The following SNTG1 variants were observed in gnomAD, a reference collection of about 807,000 sequenced individuals.
SNTG1 encodes gamma-1-syntrophin.
In SNTG1, 39 loss-of-function variants were observed where a neutral mutation model predicts 74.7. That is an observed-to-expected ratio of 0.52 (90% CI 0.40 to 0.68). The LOEUF is 0.68. Ranked by LOEUF, SNTG1 falls within the 30% of genes least tolerant of loss-of-function variation. The probability of loss-of-function intolerance (pLI) is 0.00; values close to 1 mark genes in which losing one functional copy is unlikely to be tolerated. For synonymous variants in SNTG1, 254 were observed against 217.1 expected (o/e 1.17, Z -1.49); for missense variants, 685 against 609.5 (o/e 1.12, Z -1.30).
chr8:50,009,175 G>A (rs1305161453), intron 1 of SNTG1, among the ~76,000 whole-genome samples: 1 of 152,014 alleles, frequency 6.6e-6, no homozygotes, highest in South Asian at 2.1e-4. Context: ...ATTCTATATG[G>A]CCTGCATGCT....
At chr8:50,424,764 G>A (rs116619858) in intron 4 of SNTG1, among the ~76,000 whole-genome samples, 1 of 152,040 alleles carries the variant, frequency 6.6e-6, no homozygotes, top group African/African-American at 2.4e-5. Context: ...TTAAATTTGG[G>A]AATCAATTTC....
intron 17 of SNTG1, among the ~76,000 whole-genome samples, chr8:50,709,775 C>G (rs1008681088): frequency 1.3e-5 from 2 of 152,172 alleles, no homozygotes; most frequent in African/African-American, 2.4e-5. Context: ...ATCCTCTTCC[C>G]TCTCATTGAG....
chr8:50,714,689 T>C (rs1030752851), intron 17 of SNTG1, among the ~76,000 whole-genome samples: 1 of 151,866 alleles, frequency 6.6e-6, no homozygotes, highest in Admixed American at 6.6e-5. Flanking sequence ...CAAAGAGACA[T>C]CAGTACAATT....
At chr8:50,366,821 T>G (rs1587336930) in intron 2 of SNTG1, among the ~76,000 whole-genome samples, 1 of 145,050 alleles carries the variant, frequency 6.9e-6, no homozygotes, top group Non-Finnish European at 1.5e-5. Context: ...TTATATATAA[T>G]ATATATACCA....
intron 2 of SNTG1, among the ~76,000 whole-genome samples, chr8:50,269,143 A>G (rs992127021): frequency 1.3e-5 from 2 of 152,212 alleles, no homozygotes; most frequent in Non-Finnish European, 2.9e-5. Context: ...TTCAACTTAA[A>G]GAAAATATCT....
chr8:50,114,823 C>T (rs2080748531), intron 1 of SNTG1, among the ~76,000 whole-genome samples: 1 of 152,066 alleles, frequency 6.6e-6, no homozygotes, highest in Admixed American at 6.5e-5. Context: ...CGAGATCGTG[C>T]CAATGCACTA....
chr8:50,298,817 G>T (rs951234069), intron 2 of SNTG1, among the ~76,000 whole-genome samples: 1 of 152,046 alleles, frequency 6.6e-6, no homozygotes, highest in Non-Finnish European at 1.5e-5. Flanking sequence ...TTCAGGCTAG[G>T]GTTTCTAGCA....
chr8:50,607,831 A>G (rs1004286730), intron 13 of SNTG1, among the ~76,000 whole-genome samples: 2 of 151,462 alleles, frequency 1.3e-5, no homozygotes, highest in African/African-American at 2.4e-5. Context: ...TCAGCCTAAC[A>G]TATGTTTTAA....
chr8:50,037,035 T>C (rs888050453), intron 1 of SNTG1, among the ~76,000 whole-genome samples: 2 of 152,218 alleles, frequency 1.3e-5, no homozygotes, highest in African/African-American at 2.4e-5. Context: ...ACACCATAGA[T>C]ACATAACTTT....
chr8:50,678,600 TTTTTG>T (rs1412250363), intron 15 of SNTG1, among the ~76,000 whole-genome samples: 1 of 148,718 alleles, frequency 6.7e-6, no homozygotes, highest in East Asian at 1.9e-4. Flanking sequence ...TTTTTATTTG[TTTTTG>T]CCCTTCCAGC....
intron 2 of SNTG1, among the ~76,000 whole-genome samples, chr8:50,366,806 ATATAT>A (rs1413503391): frequency 1.4e-5 from 2 of 144,494 alleles, no homozygotes; most frequent in South Asian, 2.1e-4. Flanking sequence ...CTATAATAAA[ATATAT>A]TATATATAAT....
intron 17 of SNTG1, among the ~76,000 whole-genome samples, chr8:50,727,772 T>G (rs577591738): frequency 6.6e-6 from 1 of 152,324 alleles, no homozygotes; most frequent in South Asian, 2.1e-4. Flanking sequence ...TCCCAAGAGC[T>G]GATCCTGTGG....
At chr8:49,994,914 A>G (rs1305488857) in intron 1 of SNTG1, among the ~76,000 whole-genome samples, 1 of 152,202 alleles carries the variant, frequency 6.6e-6, no homozygotes, top group African/African-American at 2.4e-5. Flanking sequence ...TATTATTTCA[A>G]TGCCCTCATG....
At chr8:49,971,786 T>A (rs936632511) in intron 1 of SNTG1, among the ~76,000 whole-genome samples, 1 of 151,940 alleles carries the variant, frequency 6.6e-6, no homozygotes, top group African/African-American at 2.4e-5. Context: ...GAGAATAAAA[T>A]ACCTAGGAAT....
intron 1 of SNTG1, among the ~76,000 whole-genome samples, chr8:49,959,988 C>T (rs187023601): frequency 1.1e-4 from 16 of 152,274 alleles, no homozygotes; most frequent in African/African-American, 3.4e-4. Flanking sequence ...CAAGGTGTTA[C>T]AGCTAATTAG....
At chr8:49,938,984 C>A (rs915440534) in intron 1 of SNTG1, among the ~76,000 whole-genome samples, 3 of 151,918 alleles carry the variant, frequency 2.0e-5, no homozygotes, top group Non-Finnish European at 4.4e-5. Context: ...GAGATGGATT[C>A]TTAGGTTATT....
chr8:50,717,614 T>C (rs986005641), intron 17 of SNTG1, among the ~76,000 whole-genome samples: 5 of 152,206 alleles, frequency 3.3e-5, no homozygotes, highest in Non-Finnish European at 7.3e-5. Context: ...TTTATCATGC[T>C]TTTTCTTTCT....
chr8:50,058,734 TTGTGTGTG>T (rs71235777), intron 1 of SNTG1, among the ~76,000 whole-genome samples: 45 of 145,762 alleles, frequency 3.1e-4, no homozygotes, highest in African/African-American at 1.1e-3. Context: ...TTACTTACAT[TTGTGTGTG>T]TGTGTGTGTG....
At chr8:50,235,888 AG>A (rs2085867442) in intron 2 of SNTG1, among the ~76,000 whole-genome samples, 2 of 152,340 alleles carry the variant, frequency 1.3e-5, no homozygotes, top group East Asian at 3.9e-4. Flanking sequence ...AAAAGAAAAA[AG>A]AAAAAAATGT....
Sources: gnomAD v4.1 joint callset for allele counts (sites outside exome capture counted in the v4.1 genomes callset) on GRCh38, gnomAD v4.1.1 for gene constraint, MANE v1.5 for transcripts, NCBI Gene and HGNC (gene_info 2026-07-23, HGNC 2026-07-21) for gene names.